Variants in ACSM1 observed in about 807,000 individuals in gnomAD.
ACSM1 encodes acyl-CoA synthetase medium chain family member 1, also known as acyl-coenzyme A synthetase ACSM1, mitochondrial.
ACSM1 carries 79 observed loss-of-function variants against 75.8 expected under a neutral mutation model. The ratio of observed to expected loss-of-function variants is 1.04; its 90% CI spans 0.87 to 1.26. ACSM1 has a LOEUF of 1.26. Among genes scored for constraint, ACSM1 ranks in the 50% most tolerant of loss-of-function variants. ACSM1 has a pLI of 0.00. For missense variants in ACSM1, 676 were observed against 720.1 expected (o/e 0.94, Z 0.70); for synonymous variants, 279 against 265.8 (o/e 1.05, Z -0.48).
intron 7 of ACSM1, among the ~76,000 whole-genome samples, chr16:20,658,469 G>A (rs916477814): frequency 2.0e-5 from 3 of 148,250 alleles, no homozygotes; most frequent in Non-Finnish European, 4.5e-5. Context: ...TTTTTTTTTT[G>A]ACTTAAAATC....
intron 7 of ACSM1, among the ~76,000 whole-genome samples, chr16:20,644,965 G>A (rs868787702): frequency 2.0e-5 from 3 of 152,172 alleles, no homozygotes; most frequent in Admixed American, 2.0e-4. Context: ...TCTCAATCCT[G>A]ACTCAAAACA....
chr16:20,656,851 G>T (rs2018991177), intron 7 of ACSM1, among the ~76,000 whole-genome samples: 1 of 146,062 alleles, frequency 6.8e-6, no homozygotes, highest in Non-Finnish European at 1.5e-5. Context: ...AGCTTTGAGG[G>T]ATAAAATTAG....
chr16:20,636,843 G>A lies in ACSM1; in HGVS notation c.1198-3C>T, dbSNP rs1195646725. On this transcript the variant is annotated splice_region_variant and splice_polypyrimidine_tract_variant and intron_variant, in intron 9 of 13. Coordinates refer to ENST00000520010, the MANE Select transcript of ACSM1 (RefSeq NM_001318890.3). ...ATGCTGCCCTTGTCATCAATGACCT[G>A]TAGCAAGAGGCCTGTGAATCATACA... 4.3e-6 allele frequency: 7 copies of A among 1,611,790 alleles called. No individual in the cohort carries two copies. The highest frequency in any genetic ancestry group is 5.9e-6 in the Non-Finnish European group (7 of 1,178,286).
chr16:20,673,402 GTTTTAA>G (rs1204834214), intron 4 of ACSM1, among the ~76,000 whole-genome samples: 2 of 152,150 alleles, frequency 1.3e-5, no homozygotes, highest in Non-Finnish European at 2.9e-5. Context: ...AGAGTACTCT[GTTTTAA>G]TTAAATTCTC....
chr16:20,673,139 G>A (rs1596913200), intron 4 of ACSM1, among the ~76,000 whole-genome samples: 1 of 148,468 alleles, frequency 6.7e-6, no homozygotes, highest in East Asian at 2.0e-4. Flanking sequence ...TAAAATTACT[G>A]CGATCAATGT....
intron 1 of ACSM1, 30 bp from the exon 2 acceptor site, chr16:20,691,269 G>T: frequency 8.2e-7 from 1 of 1,223,966 alleles, no homozygotes; most frequent in Non-Finnish European, 1.1e-6. Flanking sequence ...TAGATTGGCT[G>T]TGTATCCAAA....
At chr16:20,659,989 T>A (rs1434788168) in intron 7 of ACSM1, among the ~76,000 whole-genome samples, 44 of 152,204 alleles carry the variant, frequency 2.9e-4, no homozygotes, top group Admixed American at 2.8e-3. Context: ...TGTATTTGAT[T>A]GATGTCTCAC....
Position 20,685,349 on chromosome 16 carries a change from C to G in ACSM1, c.247G>C (p.Glu83Gln). ...AFWWVNGQGD[E>Q]VKWSFREMGD... ...ATCTCTCTGAAGCTCCACTTTACTT[C>G]ATCCCCTTGGCCATTCACCCACCAA... Residue 83 changes from glutamate to glutamine, a missense_variant, in exon 3 of 14, where the codon GAA becomes CAA. Glu to Gln is a conservative substitution (Grantham distance 29, BLOSUM62 2). Transcript: ENST00000520010. 6.2e-7 allele frequency: 1 copy of G among 1,614,224 alleles called. No individual in the cohort carries two copies. Among genetic ancestry groups the G allele is most frequent in the East Asian group, 2.2e-5 (1 of 44,886 alleles).
intron 9 of ACSM1, 83 bp downstream of exon 9, chr16:20,637,288 C>T (rs564077145): frequency 2.8e-5 from 29 of 1,053,210 alleles, no homozygotes; most frequent in South Asian, 2.6e-4. Flanking sequence ...CAGGGAAGTG[C>T]GGCTGGTGTT....
At chr16:20,639,903 T>C (rs2017948862) in intron 8 of ACSM1, among the ~76,000 whole-genome samples, 1 of 152,198 alleles carries the variant, frequency 6.6e-6, no homozygotes, top group Non-Finnish European at 1.5e-5. Flanking sequence ...TCTCATTTTA[T>C]TCCTAAACAA....
intron 1 of ACSM1, 56 bp downstream of exon 1, chr16:20,697,556 TACACACACACACACACACACACAC>T (rs57633278): frequency 2.1e-5 from 3 of 139,550 alleles, no homozygotes; most frequent in South Asian, 5.1e-4. Flanking sequence ...AAAATTGGAT[TACACACACACACACACACACACAC>T]ACACACACAC....
intron 2 of ACSM1, among the ~76,000 whole-genome samples, chr16:20,686,942 G>T (rs954512722): frequency 6.7e-6 from 1 of 150,102 alleles, no homozygotes; most frequent in Non-Finnish European, 1.5e-5. Context: ...GGAAAAAAAT[G>T]AAAAAGCCAT....
chr16:20,639,813 A>C lies in ACSM1; in HGVS notation c.1116+648T>G, dbSNP rs143983611. Among the ~76,000 whole-genome samples the C allele has an allele frequency of 1.8e-4, 27 of 152,280 alleles. No individual in the cohort carries two copies. The East Asian group carries it at 4.8e-3, about 27-fold the overall frequency. On this transcript the variant is annotated intron_variant, in intron 8 of 13. Transcript: ENST00000520010. ...ATGACTATCCAGAAGGGACCTTTCC[A>C]CTATGAAAGGAAAACAAACCCCAAA...
At chr16:20,663,626 T>C (rs1446668055) in intron 6 of ACSM1, among the ~76,000 whole-genome samples, 1 of 152,196 alleles carries the variant, frequency 6.6e-6, no homozygotes, top group Non-Finnish European at 1.5e-5. Context: ...GTGATTGCTA[T>C]GTTTGACTAT....
chr16:20,694,726 G>A (rs1327092682), intron 1 of ACSM1, among the ~76,000 whole-genome samples: 3 of 152,206 alleles, frequency 2.0e-5, no homozygotes, highest in Non-Finnish European at 2.9e-5. Flanking sequence ...CCCCATGAAT[G>A]TATGTGGTGA....
At chr16:20,651,621 C>CA (rs1567271782) in intron 7 of ACSM1, among the ~76,000 whole-genome samples, 1 of 151,450 alleles carries the variant, frequency 6.6e-6, no homozygotes, top group African/African-American at 2.4e-5. Flanking sequence ...AAGACTGTCT[C>CA]AAAAAAACAA....
intron 7 of ACSM1, among the ~76,000 whole-genome samples, chr16:20,658,491 T>TAATC (rs2019110015): frequency 6.6e-6 from 1 of 151,654 alleles, no homozygotes; most frequent in Non-Finnish European, 1.5e-5. Flanking sequence ...TTTCTAGAAG[T>TAATC]AATCAATGCC....
intron 4 of ACSM1, chr16:20,679,564 G>A (rs1195948846): frequency 6.6e-6 from 1 of 152,216 alleles, no homozygotes; most frequent in Non-Finnish European, 1.5e-5. Context: ...TATGTGTAGT[G>A]TAAGCATGTT....
chr16:20,676,581 G>T (rs947743804), intron 4 of ACSM1, among the ~76,000 whole-genome samples: 5 of 152,134 alleles, frequency 3.3e-5, no homozygotes, highest in Non-Finnish European at 7.3e-5. Context: ...GTGGTTACAA[G>T]GTGTACATTA....
Sources: gnomAD v4.1 joint callset for allele counts (sites outside exome capture counted in the v4.1 genomes callset) on GRCh38, gnomAD v4.1.1 for gene constraint, MANE v1.5 for transcripts, NCBI Gene and HGNC (gene_info 2026-07-23, HGNC 2026-07-21) for gene names.